The following SMARCA2 variants were observed in gnomAD, a reference collection of about 807,000 sequenced individuals.
SMARCA2 encodes SWI/SNF-related matrix-associated actin-dependent regulator of chromatin subfamily A member 2.
SMARCA2 carries 61 observed loss-of-function variants against 199.8 expected under a neutral mutation model. That is an observed-to-expected ratio of 0.31 (90% CI 0.25 to 0.38). The LOEUF is 0.38. SMARCA2 is among the 10% of genes least tolerant of loss of function. The pLI, the probability that SMARCA2 is intolerant of heterozygous loss-of-function variation, is 1.00. For synonymous variants in SMARCA2, 935 were observed against 732.0 expected (o/e 1.28, Z -4.48); for missense variants, 1,344 against 2,012.2 (o/e 0.67, Z 6.35).
At chr9:2,188,002 T>C (rs909022952) in intron 32 of SMARCA2, among the ~76,000 whole-genome samples, 4 of 152,156 alleles carry the variant, frequency 2.6e-5, no homozygotes, top group African/African-American at 9.6e-5. Context: ...TACATGTATG[T>C]AGAGATATAG....
At chr9:2,052,134 A>G (rs900776599) in intron 5 of SMARCA2, among the ~76,000 whole-genome samples, 1 of 152,228 alleles carries the variant, frequency 6.6e-6, no homozygotes, top group African/African-American at 2.4e-5. Flanking sequence ...AGTCTTTTGA[A>G]TGATTAAACC....
rs922624155 is a variant in SMARCA2 at position 2,115,419 on chromosome 9, C to T, written c.3457-403C>T. 2.0e-5 allele frequency among the ~76,000 whole-genome samples: 3 copies of T among 152,146 alleles called. No homozygotes were observed. Among genetic ancestry groups the T allele is most frequent in the African/African-American group, 7.2e-5 (3 of 41,430 alleles). On this transcript the variant is annotated intron_variant, in intron 24 of 33. Coordinates refer to ENST00000349721, the MANE Select transcript of SMARCA2 (RefSeq NM_003070.5). The surrounding 1 kb of genome is among the most constrained non-coding windows in gnomAD (Gnocchi z 6.0). Reference sequence around the variant, plus strand: ...GTGATATTTTTAAAATAATCTTCAACACATCACGCCAAAGAAAAGGCGTTT... The same window carrying T: ...GTGATATTTTTAAAATAATCTTCAATACATCACGCCAAAGAAAAGGCGTTT...
chr9:2,177,422 G>A (rs1005907844), intron 29 of SMARCA2, among the ~76,000 whole-genome samples: 1 of 151,860 alleles, frequency 6.6e-6, no homozygotes, highest in Admixed American at 6.6e-5. Context: ...CTATCTATTA[G>A]CTATTCTGGT....
At chr9:2,083,492 G>T (rs1382313508) in intron 16 of SMARCA2, 79 bp downstream of exon 16, 3 of 857,686 alleles carry the variant, frequency 3.5e-6, no homozygotes, top group Admixed American at 4.1e-5. Flanking sequence ...ATGCACATCT[G>T]TGAACTGTAT....
intron 25 of SMARCA2, among the ~76,000 whole-genome samples, chr9:2,118,284 C>G (rs561509260): frequency 6.6e-6 from 1 of 152,308 alleles, no homozygotes; most frequent in East Asian, 1.9e-4. Flanking sequence ...TTTAATCAAT[C>G]TGGAGGCAAA....
intron 24 of SMARCA2, among the ~76,000 whole-genome samples, chr9:2,112,437 C>T (rs1823045472): frequency 2.0e-5 from 3 of 152,144 alleles, no homozygotes; most frequent in African/African-American, 7.2e-5. Flanking sequence ...TGGAAAATAA[C>T]TCTGGGACAT....
chr9:2,070,263 G>A (rs562206429), intron 9 of SMARCA2, among the ~76,000 whole-genome samples, 155 bp from the exon 10 acceptor site: 19 of 152,260 alleles, frequency 1.2e-4, no homozygotes, highest in Middle Eastern at 6.8e-3. Context: ...TTTTGTCTCA[G>A]CAAAGACAAA....
chr9:2,183,490 G>C (rs942171815), intron 31 of SMARCA2, among the ~76,000 whole-genome samples: 3 of 152,048 alleles, frequency 2.0e-5, no homozygotes, highest in Non-Finnish European at 4.4e-5. Flanking sequence ...TGTATCTCTG[G>C]CCTGATGCCT....
intron 19 of SMARCA2, among the ~76,000 whole-genome samples, chr9:2,093,745 C>G (rs1263832367): frequency 6.6e-6 from 1 of 152,160 alleles, no homozygotes; most frequent in Non-Finnish European, 1.5e-5. Context: ...TTTTCAACAG[C>G]CACATCATGG....
chr9:2,180,932 T>TAC (rs1826977925), intron 29 of SMARCA2, among the ~76,000 whole-genome samples: 2 of 152,142 alleles, frequency 1.3e-5, no homozygotes, highest in African/African-American at 2.4e-5. Context: ...CAAATTGCTC[T>TAC]ACACACACAC....
At chr9:2,023,722 C>G (rs935127370) in intron 1 of SMARCA2, among the ~76,000 whole-genome samples, 1 of 152,182 alleles carries the variant, frequency 6.6e-6, no homozygotes, top group African/African-American at 2.4e-5. Context: ...CCTTACCCAC[C>G]CCGCACTGCT....
intron 27 of SMARCA2, among the ~76,000 whole-genome samples, chr9:2,145,153 G>A (rs1220962924): frequency 2.0e-5 from 3 of 152,024 alleles, no homozygotes; most frequent in Admixed American, 1.3e-4. Context: ...ACAAAAATTA[G>A]CCGGGCATGG....
At chr9:2,189,776 A>G (rs910189859) in intron 32 of SMARCA2, among the ~76,000 whole-genome samples, 1 of 152,094 alleles carries the variant, frequency 6.6e-6, no homozygotes, top group Non-Finnish European at 1.5e-5. Flanking sequence ...GAGGAAAGGC[A>G]AATGCTACCA....
In SMARCA2 at chr9:2,016,450, TCC is replaced by T. The variant is rs1818357187; in HGVS notation, c.-37+1049_-37+1050del. On this transcript the variant is annotated intron_variant, in intron 1 of 33. Coordinates refer to ENST00000349721, the MANE Select transcript of SMARCA2 (RefSeq NM_003070.5). The surrounding 1 kb of genome is among the most constrained non-coding windows in gnomAD (Gnocchi z 5.6). The stretch of plus-strand genomic sequence containing the variant: ...GTCCGTGTTCTTTTGCTTCGCGTCT[TCC>T]CCTTGCTTGCGCCGCGGGAGCTGCG... 6.6e-6 allele frequency: 1 copy of T among 152,282 alleles called. No individual in the cohort carries two copies. Among genetic ancestry groups the T allele is most frequent in the African/African-American group, 2.4e-5 (1 of 41,392 alleles). 9.4% of individuals were successfully genotyped at this position (152,282 alleles called of 1,614,324 possible). A position where few individuals can be genotyped will look rare whatever the true frequency, so the allele number is the denominator to read the frequency against.
At chr9:2,036,708 A>G (rs530368643) in intron 3 of SMARCA2, among the ~76,000 whole-genome samples, 1 of 152,276 alleles carries the variant, frequency 6.6e-6, no homozygotes, top group East Asian at 1.9e-4. Flanking sequence ...CTAACTCAGA[A>G]ATGATTTTTA....
chr9:2,082,604 G>A (rs1369454283), intron 15 of SMARCA2, among the ~76,000 whole-genome samples: 2 of 152,140 alleles, frequency 1.3e-5, no homozygotes, highest in Non-Finnish European at 2.9e-5. Flanking sequence ...TACCGAGTGA[G>A]GGCACAGTGA....
intron 27 of SMARCA2, among the ~76,000 whole-genome samples, chr9:2,156,405 C>A (rs1359388785): frequency 7.9e-6 from 1 of 126,574 alleles, no homozygotes; most frequent in South Asian, 2.6e-4. Flanking sequence ...TAAAGTTTAC[C>A]ATTTTAGACT....
chr9:2,120,675 GTA>G (rs1823419949), intron 26 of SMARCA2, among the ~76,000 whole-genome samples: 1 of 152,048 alleles, frequency 6.6e-6, no homozygotes, highest in Non-Finnish European at 1.5e-5. Flanking sequence ...AACATTGATT[GTA>G]TATAATGATC....
Position 2,052,549 on chromosome 9 carries a change from T to C in SMARCA2, c.1047-2048T>C, listed in dbSNP as rs376804285. On this transcript the variant is annotated intron_variant, in intron 5 of 33. Transcript: ENST00000349721. ...ATTAACACATTATGATGACAAATCA[T>C]TTAATAAATTAGAACGAATAACGTG... 1.7e-4 allele frequency among the ~76,000 whole-genome samples: 26 copies of C among 152,360 alleles called. No individual in the cohort carries two copies. The South Asian group carries it at 4.1e-3, about 24-fold the overall frequency.
Sources: allele counts gnomAD v4.1 joint callset (sites outside exome capture counted in the v4.1 genomes callset), GRCh38; gene constraint gnomAD v4.1.1; non-coding constraint Gnocchi (gnomAD v3.1); transcripts MANE v1.5; gene names NCBI Gene and HGNC (gene_info 2026-07-23, HGNC 2026-07-21).